The following DSG1 variants were observed in gnomAD, a reference collection of about 807,000 sequenced individuals.
DSG1 encodes the protein desmoglein-1.
In DSG1, 39 loss-of-function variants were observed where a neutral mutation model predicts 97.5. That is an observed-to-expected ratio of 0.40 (90% CI 0.31 to 0.52). DSG1 has a LOEUF of 0.52. DSG1 is among the 20% of genes least tolerant of loss of function. DSG1 has a pLI of 0.53. For missense variants in DSG1, 1,311 were observed against 1,295.4 expected, an observed-to-expected ratio of 1.01 and a Z score of -0.18; for synonymous variants, 475 against 443.4, an observed-to-expected ratio of 1.07 and a Z score of -0.90.
chr18:31,343,889 G>A, intron 12 of DSG1, 37 bp from the exon 13 acceptor site: 2 of 1,517,718 alleles, frequency 1.3e-6, no homozygotes, highest in South Asian at 1.1e-5. Context: ...ATAGTCATTG[G>A]TCACTACAAA....
intron 4 of DSG1, 90 bp downstream of exon 4, chr18:31,328,434 A>C: frequency 7.3e-7 from 1 of 1,377,646 alleles, no homozygotes; most frequent in Non-Finnish European, 1.0e-6. Flanking sequence ...TGATTTCAAG[A>C]GTCTCAATAT....
chr18:31,352,545 G>C (rs1212540511), intron 14 of DSG1, among the ~76,000 whole-genome samples: 2 of 150,304 alleles, frequency 1.3e-5, no homozygotes, highest in South Asian at 2.1e-4. Context: ...AGTTCTCCTG[G>C]ATAATATCCT....
chr18:31,326,864 G>T lies in DSG1; in HGVS notation c.85-10G>T. On this transcript the variant is annotated splice_polypyrimidine_tract_variant and intron_variant, in intron 2 of 14. Coordinates refer to ENST00000257192, the MANE Select transcript of DSG1 (RefSeq NM_001942.4). The stretch of plus-strand genomic sequence containing the variant: ...TAATATATACCATTTCTTTATTGCT[G>T]TCATTTAAGGTAAGAGATTATAACA... 2 of 1,612,870 alleles carry T rather than the reference G, an allele frequency of 1.2e-6. No homozygotes were observed. Among genetic ancestry groups the T allele is most frequent in the Non-Finnish European group, 1.7e-6 (2 of 1,179,124 alleles).
chr18:31,343,424 T>C (rs1358187091), intron 11 of DSG1, 26 bp from the exon 12 acceptor site: 16 of 1,613,988 alleles, frequency 9.9e-6, no homozygotes, highest in Admixed American at 1.7e-5. Context: ...GTGCTAACTC[T>C]AGTATTACTA....
rs1307984830 is a variant in DSG1, at chr18:31,355,947, A to G, written c.*601A>G. 2 of 154,260 alleles carry G rather than the reference A, an allele frequency of 1.3e-5. No homozygotes were observed. Among genetic ancestry groups the G allele is most frequent in the Non-Finnish European group, 2.9e-5 (2 of 69,500 alleles). 9.6% of individuals were successfully genotyped at this position (154,260 alleles called of 1,614,324 possible). On this transcript the variant is annotated 3_prime_UTR_variant, in exon 15 of 15. Coordinates refer to ENST00000257192, the MANE Select transcript of DSG1 (RefSeq NM_001942.4). ...AAGTGTTTCCTAGGAGGAAAATTCC[A>G]TTAGAGAGTGGCAATAGGATGAGGT... is the stretch of plus-strand genomic sequence containing the variant.
Position 31,356,210 on chromosome 18 carries a change from T to C in DSG1, c.*864T>C, listed in dbSNP as rs1205416054. 1 of 152,214 alleles carries C rather than the reference T, an allele frequency of 6.6e-6. No individual in the cohort carries two copies. Among genetic ancestry groups the C allele is most frequent in the Non-Finnish European group, 1.5e-5 (1 of 68,040 alleles). 9.4% of individuals were successfully genotyped at this position (152,214 alleles called of 1,614,324 possible). On this transcript the variant is annotated 3_prime_UTR_variant, in exon 15 of 15. Transcript: ENST00000257192. ...AGTTTACTTCTCGAATTGAAGCAAG[T>C]GAGGCCTGACATGGTTGTCATCACT... is the stretch of plus-strand genomic sequence containing the variant.
At chr18:31,339,132 A>G (rs2071772770) in intron 10 of DSG1, among the ~76,000 whole-genome samples, 1 of 152,214 alleles carries the variant, frequency 6.6e-6, no homozygotes, top group African/African-American at 2.4e-5. Context: ...ACAAGATGTT[A>G]ATTACAGCAC....
At position 31,336,621 on chromosome 18, in the gene DSG1, T is replaced by C; in HGVS notation, c.1265+8T>C. On this transcript the variant is annotated splice_region_variant and intron_variant, in intron 9 of 14. Coordinates refer to ENST00000257192, the MANE Select transcript of DSG1 (RefSeq NM_001942.4). ...ACCTTCAACGACTGTTAGGTAAGAA[T>C]GAGATTTTCAACTAATTTTCCTTAC... 1 of 1,613,966 alleles carries C rather than the reference T, an allele frequency of 6.2e-7. No homozygotes were observed. Among genetic ancestry groups the C allele is most frequent in the Non-Finnish European group, 8.5e-7 (1 of 1,179,876 alleles).
chr18:31,348,687 T>G (rs1382136167), intron 14 of DSG1, among the ~76,000 whole-genome samples: 1 of 149,322 alleles, frequency 6.7e-6, no homozygotes, highest in African/African-American at 2.5e-5. Flanking sequence ...GGTATCTCAT[T>G]GTGGTTTTGA....
chr18:31,352,975 A>T (rs1598717451), intron 14 of DSG1, among the ~76,000 whole-genome samples: 1 of 149,278 alleles, frequency 6.7e-6, no homozygotes, highest in African/African-American at 2.5e-5. Context: ...CAGCTTGTCA[A>T]AGTCATTCTC....
At position 31,357,016 on chromosome 18, in the gene DSG1, A is replaced by T. The variant is rs1598721837; in HGVS notation, c.*1670A>T. ...TATATGACAAAATAAAATTAGAAAAAAATTTGCCCTGGAGTTGTGAATTAT... is the reference window on the plus strand; with the variant it reads ...TATATGACAAAATAAAATTAGAAAATAATTTGCCCTGGAGTTGTGAATTAT... On this transcript the variant is annotated 3_prime_UTR_variant, in exon 15 of 15. Transcript: ENST00000257192. The T allele has an allele frequency of 6.6e-6, 1 of 152,124 alleles. No homozygotes were observed. The highest frequency in any genetic ancestry group is 2.4e-5 in the African/African-American group (1 of 41,450). The allele number at this position is 152,124 out of a possible 1,614,324, so 9.4% of individuals were successfully genotyped here.
Position 31,343,556 on chromosome 18 carries a change from A to G in DSG1, c.1794A>G (p.Ala598=), listed in dbSNP as rs1311069404. 6.2e-7 allele frequency: 1 copy of G among 1,614,020 alleles called. No individual in the cohort carries two copies. Among genetic ancestry groups the G allele is most frequent in the Admixed American group, 1.7e-5 (1 of 59,986 alleles). The change falls in exon 12 of 15, where the codon GCA becomes GCG. Residue 598 remains alanine (A), a synonymous_variant. Coordinates refer to ENST00000257192, the MANE Select transcript of DSG1 (RefSeq NM_001942.4). ...ECSDGAIHSW[A]VEGPQPEPRD... is the part of the protein sequence containing the mutation. Reference sequence around the variant, plus strand: ...CAGATGGAGCAATTCATTCATGGGCAGTAGAAGGACCACAGCCTGAACCCA... The same window carrying G: ...CAGATGGAGCAATTCATTCATGGGCGGTAGAAGGACCACAGCCTGAACCCA...
intron 14 of DSG1, among the ~76,000 whole-genome samples, chr18:31,351,680 T>C (rs866751788): frequency 0.037 from 5,627 of 150,668 alleles, 277 homozygotes; most frequent in African/African-American, 0.13. Flanking sequence ...ATATTTAGGA[T>C]AGTTAGCTCT....
At position 31,357,481 on chromosome 18, in the gene DSG1, A is replaced by G. The variant is rs1316581356; in HGVS notation, c.*2135A>G. ...AATTTATTAAAGGGAATGGTAGCTG[A>G]CCACAGGAAACTTGCTTACTGTTTT... is the stretch of plus-strand genomic sequence containing the variant. On this transcript the variant is annotated 3_prime_UTR_variant, in exon 15 of 15. Coordinates refer to ENST00000257192, the MANE Select transcript of DSG1 (RefSeq NM_001942.4). 2.0e-5 allele frequency among the ~76,000 whole-genome samples: 3 copies of G among 152,068 alleles called. No homozygotes were observed. Among genetic ancestry groups the G allele is most frequent in the African/African-American group, 4.8e-5 (2 of 41,444 alleles).
chr18:31,321,530 T>C lies in DSG1; in HGVS notation c.48+3182T>C, dbSNP rs184577271. On this transcript the variant is annotated intron_variant, in intron 1 of 14. Transcript: ENST00000257192. Reference sequence around the variant, plus strand: ...TCAAGTGTCATCATTAACAGTTATATGGTGTTCATAAAAGCTTTATTATTT... The same window carrying C: ...TCAAGTGTCATCATTAACAGTTATACGGTGTTCATAAAAGCTTTATTATTT... Among the ~76,000 whole-genome samples the C allele has an allele frequency of 6.6e-5, 10 of 152,348 alleles. No homozygotes were observed. The East Asian group carries it at 1.9e-3, about 29-fold the overall frequency.
At chr18:31,333,843 C>A in intron 7 of DSG1, 120 bp downstream of exon 7, 1 of 1,314,124 alleles carries the variant, frequency 7.6e-7, no homozygotes, top group Non-Finnish European at 1.1e-6. Context: ...AATGTAGACA[C>A]ATACTTTTTT....
At chr18:31,320,982 C>T (rs1221811368) in intron 1 of DSG1, among the ~76,000 whole-genome samples, 3 of 152,064 alleles carry the variant, frequency 2.0e-5, no homozygotes, top group African/African-American at 4.8e-5. Flanking sequence ...TTCTGCAGCT[C>T]AAGCTCAAAG....
chr18:31,330,584 C>T (rs1235396328), intron 5 of DSG1, among the ~76,000 whole-genome samples: 2 of 151,970 alleles, frequency 1.3e-5, no homozygotes, highest in Non-Finnish European at 2.9e-5. Context: ...TTATAAAATG[C>T]TCATTAAATT....
Position 31,331,858 on chromosome 18 carries a change from A to G in DSG1, c.675A>G (p.Leu225=). 2.5e-6 allele frequency: 4 copies of G among 1,612,040 alleles called. No individual in the cohort carries two copies. Among genetic ancestry groups the G allele is most frequent in the Non-Finnish European group, 3.4e-6 (4 of 1,178,716 alleles). The change falls in exon 6 of 15, where the codon CTA becomes CTG. Residue 225 remains leucine, a synonymous_variant. Transcript: ENST00000257192. ...TGEIRTMNNF[L]DREQYGQYAL... is the part of the protein sequence containing the mutation. ...AAATTCGAACGATGAATAATTTTCT[A>G]GACAGAGAGGTAATTCTTTTTCTTT...
Sources: gnomAD v4.1 joint callset for allele counts (sites outside exome capture counted in the v4.1 genomes callset) on GRCh38, gnomAD v4.1.1 for gene constraint, MANE v1.5 for transcripts, NCBI Gene and HGNC (gene_info 2026-07-23, HGNC 2026-07-21) for gene names.